ULK4: variants seen among roughly 807,000 people sequenced by gnomAD.
ULK4 encodes unc-51 like kinase 4.
A neutral mutation model predicts 160.6 loss-of-function variants in ULK4; 133 were observed. That is an observed-to-expected ratio of 0.83 (90% CI 0.72 to 0.96). The LOEUF (loss-of-function observed/expected upper bound fraction) is 0.96, where lower values mean the gene tolerates loss of function less well. Among genes scored for constraint, ULK4 ranks in the 40% least tolerant of loss-of-function variants. The pLI, the probability that ULK4 is intolerant of heterozygous loss-of-function variation, is 0.00. For missense variants in ULK4, 1,580 were observed against 1,499.5 expected (o/e 1.05, Z -0.89); for synonymous variants, 534 against 539.8 (o/e 0.99, Z 0.15).
intron 33 of ULK4, among the ~76,000 whole-genome samples, chr3:41,455,956 C>T (rs1294632635): frequency 6.6e-6 from 1 of 152,128 alleles, no homozygotes; most frequent in Non-Finnish European, 1.5e-5. Flanking sequence ...GTCACCCAGG[C>T]TGTTGTGCAG....
At chr3:41,712,805 T>C (rs921101940) in intron 25 of ULK4, among the ~76,000 whole-genome samples, 5 of 152,116 alleles carry the variant, frequency 3.3e-5, no homozygotes, top group African/African-American at 1.2e-4. Context: ...GGAGGTAGGA[T>C]TGCTTGCGCC....
intron 27 of ULK4, among the ~76,000 whole-genome samples, chr3:41,702,841 T>C (rs948165274): frequency 6.9e-6 from 1 of 145,934 alleles, no homozygotes; most frequent in Non-Finnish European, 1.5e-5. Flanking sequence ...GTTTTTTTTG[T>C]TTGTTTTTTT....
At chr3:41,619,319 T>C (rs549129978) in intron 30 of ULK4, among the ~76,000 whole-genome samples, 11 of 152,256 alleles carry the variant, frequency 7.2e-5, no homozygotes, top group African/African-American at 2.4e-4. Context: ...CAACAGACTA[T>C]ACATTCTTCT....
chr3:41,760,713 G>C (rs1419588285), intron 21 of ULK4, among the ~76,000 whole-genome samples: 3 of 151,940 alleles, frequency 2.0e-5, no homozygotes, highest in African/African-American at 7.3e-5. Context: ...CTTAGACTTG[G>C]GTCCCATCCC....
At chr3:41,439,412 A>T (rs2083110273) in intron 34 of ULK4, among the ~76,000 whole-genome samples, 1 of 152,222 alleles carries the variant, frequency 6.6e-6, no homozygotes, top group African/African-American at 2.4e-5. Flanking sequence ...AGTTAGACTG[A>T]AATGGAGGAA....
intron 32 of ULK4, among the ~76,000 whole-genome samples, chr3:41,479,368 G>A (rs1057208863): frequency 6.6e-6 from 1 of 152,144 alleles, no homozygotes; most frequent in Non-Finnish European, 1.5e-5. Context: ...AAAAAGTAAG[G>A]AATAGTCCCT....
At chr3:41,474,546 C>T (rs982822073) in intron 32 of ULK4, among the ~76,000 whole-genome samples, 11 of 151,796 alleles carry the variant, frequency 7.2e-5, no homozygotes, top group East Asian at 5.8e-4. Flanking sequence ...ACACACTCTG[C>T]AAAATAACAG....
At chr3:41,854,475 A>C (rs9866092) in intron 17 of ULK4, among the ~76,000 whole-genome samples, 47,850 of 152,056 alleles carry the variant, frequency 0.31, 11,074 homozygotes, top group African/African-American at 0.66. Flanking sequence ...AAGGTGGGCA[A>C]AACTGCCACA....
At chr3:41,928,560 G>C (rs532538113) in intron 5 of ULK4, among the ~76,000 whole-genome samples, 1 of 42,908 alleles carries the variant, frequency 2.3e-5, no homozygotes, top group African/African-American at 3.9e-5. Context: ...ATGAATCTAG[G>C]AGCTGTTTTT....
intron 34 of ULK4, among the ~76,000 whole-genome samples, chr3:41,431,658 G>A (rs2082913059): frequency 6.7e-6 from 1 of 149,476 alleles, no homozygotes; most frequent in Admixed American, 6.7e-5. Flanking sequence ...GGTGTTCAGA[G>A]GTGACCCAAC....
intron 16 of ULK4, among the ~76,000 whole-genome samples, chr3:41,891,446 G>A (rs11717540): frequency 0.7 from 99,531 of 141,954 alleles, 38,377 homozygotes; most frequent in East Asian, 0.85. Flanking sequence ...GGCCTGAAAT[G>A]AAAAGAAAAG....
chr3:41,414,830 C>A (rs1432573418), intron 34 of ULK4, among the ~76,000 whole-genome samples: 3 of 152,176 alleles, frequency 2.0e-5, no homozygotes, highest in Non-Finnish European at 4.4e-5. Flanking sequence ...GGCCTTGACA[C>A]CGTCCCCTTT....
At chr3:41,736,509 C>A (rs2038054909) in intron 22 of ULK4, among the ~76,000 whole-genome samples, 1 of 151,980 alleles carries the variant, frequency 6.6e-6, no homozygotes, top group Non-Finnish European at 1.5e-5. Context: ...AGTGTCTGTT[C>A]ATATCCTTCG....
chr3:41,664,832 AAATTT>A (rs1480203576), intron 29 of ULK4, among the ~76,000 whole-genome samples: 1 of 152,166 alleles, frequency 6.6e-6, no homozygotes, highest in Non-Finnish European at 1.5e-5. Context: ...ATCCTAAATT[AAATTT>A]ATTACCAAAG....
chr3:41,637,733 C>T (rs1180801486), intron 30 of ULK4, among the ~76,000 whole-genome samples: 1 of 152,194 alleles, frequency 6.6e-6, no homozygotes, highest in Non-Finnish European at 1.5e-5. Flanking sequence ...CATAGCCATT[C>T]TAACAGGTGT....
At chr3:41,826,390 C>A (rs2041353498) in intron 18 of ULK4, among the ~76,000 whole-genome samples, 1 of 152,144 alleles carries the variant, frequency 6.6e-6, no homozygotes, top group South Asian at 2.1e-4. Flanking sequence ...CAAGACCCAT[C>A]AGGGTGCTGT....
intron 31 of ULK4, among the ~76,000 whole-genome samples, chr3:41,589,258 T>G (rs2031072393): frequency 6.6e-6 from 1 of 150,628 alleles, no homozygotes; most frequent in South Asian, 2.1e-4. Context: ...CTATACAGAG[T>G]CCAGCAATCT....
intron 35 of ULK4, among the ~76,000 whole-genome samples, chr3:41,343,704 C>A (rs985060118): frequency 7.9e-5 from 12 of 152,148 alleles, no homozygotes; most frequent in Admixed American, 7.2e-4. Flanking sequence ...TATACACCAA[C>A]AACAGACAAG....
At chr3:41,961,402 G>C (rs1700660866) in intron 1 of ULK4, among the ~76,000 whole-genome samples, 1 of 152,144 alleles carries the variant, frequency 6.6e-6, no homozygotes, top group Non-Finnish European at 1.5e-5. Context: ...GGGTGACTGG[G>C]ATGCGCTCAA....
Sources: gnomAD v4.1 joint callset for allele counts (sites outside exome capture counted in the v4.1 genomes callset) on GRCh38, gnomAD v4.1.1 for gene constraint, MANE v1.5 for transcripts, NCBI Gene and HGNC (gene_info 2026-07-23, HGNC 2026-07-21) for gene names.